The following EIF4EBP2 variants were observed in gnomAD, a reference collection of about 807,000 sequenced individuals.
The protein encoded by EIF4EBP2 is eukaryotic translation initiation factor 4E-binding protein 2.
Under a neutral mutation model 10.3 loss-of-function variants are expected in EIF4EBP2, and 5 were observed. The observed-to-expected ratio is 0.48, with a 90% CI of 0.25 to 1.02. EIF4EBP2 has a LOEUF of 1.02. Among genes scored for constraint, EIF4EBP2 ranks in the 50% least tolerant of loss-of-function variants. The pLI, the probability that EIF4EBP2 is intolerant of heterozygous loss-of-function variation, is 0.15. For missense variants in EIF4EBP2, 188 were observed against 162.2 expected (o/e 1.16, Z -0.86); for synonymous variants, 67 against 61.1 (o/e 1.10, Z -0.45).
intron 1 of EIF4EBP2, among the ~76,000 whole-genome samples, chr10:70,417,163 TGAAAAA>T (rs1400381916): frequency 6.6e-6 from 1 of 152,146 alleles, no homozygotes; most frequent in Non-Finnish European, 1.5e-5. Context: ...TATTTGGTAA[TGAAAAA>T]GAAATGAGGT....
rs1011223882 is a variant in EIF4EBP2, at chr10:70,423,025, A to G, written c.*1278A>G. 6.6e-5 allele frequency: 10 copies of G among 151,708 alleles called. No individual in the cohort carries two copies. Among genetic ancestry groups the G allele is most frequent in the African/African-American group, 2.4e-4 (10 of 41,090 alleles). The allele number at this position is 151,708 out of a possible 1,614,324, so 9.4% of individuals were successfully genotyped here. The stretch of plus-strand genomic sequence containing the variant: ...TTCCTTCCTTTTTCTCTACCAGGCC[A>G]TTTTTCAAATTTACATCAAAGATAC... On this transcript the variant is annotated 3_prime_UTR_variant, in exon 3 of 3. Transcript: ENST00000373218.
In EIF4EBP2 at chr10:70,404,721, C is replaced by T. The variant is rs1844950776; in HGVS notation, c.145+175C>T. 3.9e-5 allele frequency among the ~76,000 whole-genome samples: 6 copies of T among 152,344 alleles called. No individual in the cohort carries two copies. In the South Asian group the frequency reaches 1.0e-3, roughly 26 times the overall value. On this transcript the variant is annotated intron_variant, in intron 1 of 2. Transcript: ENST00000373218. ...CCCTTTACTTCGTGTTCGCTCTTGC[C>T]CGCAGCTCGAGTCGGCGCGCGCCCC...
In EIF4EBP2 at chr10:70,424,539, T is replaced by C. The variant is rs199620856; in HGVS notation, c.*2792T>C. 2 of 152,362 alleles carry C rather than the reference T, an allele frequency of 1.3e-5. No homozygotes were observed. The highest frequency in any genetic ancestry group is 3.9e-4 in the East Asian group (2 of 5,188). 9.4% of individuals were successfully genotyped at this position (152,362 alleles called of 1,614,324 possible). ...CCATTGAGTGGTTTACCTCTGCATGTTTGGAGGGAACCTCACAGATGAAAC... is the reference window on the plus strand; with the variant it reads ...CCATTGAGTGGTTTACCTCTGCATGCTTGGAGGGAACCTCACAGATGAAAC... On this transcript the variant is annotated 3_prime_UTR_variant, in exon 3 of 3. Transcript: ENST00000373218.
intron 1 of EIF4EBP2, among the ~76,000 whole-genome samples, chr10:70,410,931 T>G (rs540789168): frequency 6.6e-6 from 1 of 152,372 alleles, no homozygotes; most frequent in African/African-American, 2.4e-5. Context: ...GCTTGAAGGA[T>G]ACCTTCCTCC....
At chr10:70,421,573 C>A (rs1845157812) in intron 2 of EIF4EBP2, 143 bp from the exon 3 acceptor site, 2 of 729,696 alleles carry the variant, frequency 2.7e-6, no homozygotes. Context: ...CCAGCCAAAG[C>A]AAAGCAGAGT....
intron 1 of EIF4EBP2, among the ~76,000 whole-genome samples, chr10:70,407,090 G>A (rs1844972971): frequency 6.6e-6 from 1 of 151,494 alleles, no homozygotes; most frequent in African/African-American, 2.4e-5. Flanking sequence ...GTAGAGATAG[G>A]GTTTCACCAT....
In EIF4EBP2 at chr10:70,428,267, TA is replaced by T. The variant is rs1198453433; in HGVS notation, c.*6524del. 6.6e-6 allele frequency: 1 copy of T among 151,968 alleles called. No homozygotes were observed. 9.4% of individuals were successfully genotyped at this position (151,968 alleles called of 1,614,324 possible). A position where few individuals can be genotyped will look rare whatever the true frequency, so the allele number is the denominator to read the frequency against. On this transcript the variant is annotated 3_prime_UTR_variant, in exon 3 of 3. Coordinates refer to ENST00000373218, the MANE Select transcript of EIF4EBP2 (RefSeq NM_004096.5). Reference sequence around the variant, plus strand: ...CTAAGGTGTCCATTTTATGCATCTTTAAAATATTTTATTTAAAAAAAAAAAT... The same window carrying T: ...CTAAGGTGTCCATTTTATGCATCTTTAAATATTTTATTTAAAAAAAAAAAT...
intron 2 of EIF4EBP2, among the ~76,000 whole-genome samples, chr10:70,420,864 G>A (rs980369707): frequency 3.3e-5 from 5 of 151,924 alleles, no homozygotes; most frequent in African/African-American, 4.8e-5. Flanking sequence ...GCACGATCTC[G>A]GCTCACTGCA....
rs1473990942 is a variant in EIF4EBP2, at chr10:70,423,646, T to G, written c.*1899T>G. 6 of 152,650 alleles carry G rather than the reference T, an allele frequency of 3.9e-5. No individual in the cohort carries two copies. The highest frequency in any genetic ancestry group is 8.8e-5 in the Non-Finnish European group (6 of 68,026). 9.5% of individuals were successfully genotyped at this position (152,650 alleles called of 1,614,324 possible). A position where few individuals can be genotyped will look rare whatever the true frequency, so the allele number is the denominator to read the frequency against. ...GAAAGAAACCTGTTTGTTTTTCTTTTGAACTATGAAAAGACCCTGTTTGTG... is the reference window on the plus strand; with the variant it reads ...GAAAGAAACCTGTTTGTTTTTCTTTGGAACTATGAAAAGACCCTGTTTGTG... On this transcript the variant is annotated 3_prime_UTR_variant, in exon 3 of 3. Transcript: ENST00000373218.
rs1015358075 is a variant in EIF4EBP2, at chr10:70,407,609, C to A, written c.145+3063C>A. On this transcript the variant is annotated intron_variant, in intron 1 of 2. Transcript: ENST00000373218. ...CAAAACCGCCGTTGTCATCATGGCC[C>A]GTTCTCAATGAGCTGTTGAGTACAC... Among the ~76,000 whole-genome samples the A allele has an allele frequency of 2.0e-5, 3 of 152,034 alleles. No homozygotes were observed. In the East Asian group the frequency reaches 5.8e-4, roughly 30 times the overall value.
rs1369155490 is a variant in EIF4EBP2 at position 70,422,214 on chromosome 10, C to T, written c.*467C>T. ...TCTGTCTCTCCTCCCTGTATCCCAC[C>T]TATGGTTCAGTGTTGCAAGAGTCTG... On this transcript the variant is annotated 3_prime_UTR_variant, in exon 3 of 3. Transcript: ENST00000373218. 1 of 156,170 alleles carries T rather than the reference C, an allele frequency of 6.4e-6. No individual in the cohort carries two copies. Among genetic ancestry groups the T allele is most frequent in the African/African-American group, 2.4e-5 (1 of 41,588 alleles). The allele number at this position is 156,170 out of a possible 1,614,324, so 9.7% of individuals were successfully genotyped here.
At position 70,404,346 on chromosome 10, in the gene EIF4EBP2, G is replaced by A; in HGVS notation, c.-56G>A. ...CCGCCTGAGGAGCCGAAGCAGCCCC[G>A]GCCCCGCCGCCGCCGCCTGCCCGCC... On this transcript the variant is annotated 5_prime_UTR_variant, in exon 1 of 3. Transcript: ENST00000373218. 2.0e-6 allele frequency: 3 copies of A among 1,483,800 alleles called. No homozygotes were observed. The highest frequency in any genetic ancestry group is 2.4e-5 in the Admixed American group (1 of 41,246). The allele number at this position is 1,483,800 out of a possible 1,614,324, so 91.9% of individuals were successfully genotyped here.
At chr10:70,413,460 T>C (rs762645960) in intron 1 of EIF4EBP2, among the ~76,000 whole-genome samples, 13 of 151,984 alleles carry the variant, frequency 8.6e-5, no homozygotes, top group Non-Finnish European at 1.8e-4. Context: ...ACCCCATCTC[T>C]ACAAAATATA....
At chr10:70,404,887 T>C (rs950065034) in intron 1 of EIF4EBP2, among the ~76,000 whole-genome samples, 12 of 152,262 alleles carry the variant, frequency 7.9e-5, no homozygotes, top group African/African-American at 2.7e-4. Flanking sequence ...TGCATTACAG[T>C]CTGCATTGCC....
rs1230263457 is a variant in EIF4EBP2, at chr10:70,428,189, CA to C, written c.*6443del. ...TGGGTGAGGAGACCCTCTGCTACTC[CA>C]GGGGTAAACCTTAAAGAAGGTGTCT... On this transcript the variant is annotated 3_prime_UTR_variant, in exon 3 of 3. Coordinates refer to ENST00000373218, the MANE Select transcript of EIF4EBP2 (RefSeq NM_004096.5). 5 of 151,964 alleles carry C rather than the reference CA, an allele frequency of 3.3e-5. No homozygotes were observed. In the East Asian group the frequency reaches 7.7e-4, roughly 23 times the overall value. 9.4% of individuals were successfully genotyped at this position (151,964 alleles called of 1,614,324 possible).
Position 70,422,806 on chromosome 10 carries a change from T to C in EIF4EBP2, c.*1059T>C, listed in dbSNP as rs908563502. The C allele has an allele frequency of 6.6e-6, 1 of 152,210 alleles. No homozygotes were observed. Among genetic ancestry groups the C allele is most frequent in the African/African-American group, 2.4e-5 (1 of 41,450 alleles). The allele number at this position is 152,210 out of a possible 1,614,324, so 9.4% of individuals were successfully genotyped here. On this transcript the variant is annotated 3_prime_UTR_variant, in exon 3 of 3. Transcript: ENST00000373218. ...TTCTTAGATTGCAGTTTCTTATGTT[T>C]TGAGTTTGAAGTTGATTTTCAGAAT...
At chr10:70,405,957 C>A (rs557558670) in intron 1 of EIF4EBP2, among the ~76,000 whole-genome samples, 115 of 152,176 alleles carry the variant, frequency 7.6e-4, no homozygotes, top group Non-Finnish European at 7.9e-4. Context: ...GAAGAAATCT[C>A]CCCCCGATAT....
chr10:70,420,439 G>A (rs1421792413), intron 2 of EIF4EBP2, among the ~76,000 whole-genome samples: 2 of 152,130 alleles, frequency 1.3e-5, no homozygotes, highest in Non-Finnish European at 2.9e-5. Flanking sequence ...GACCTCAGGT[G>A]ATCCACCTGC....
intron 1 of EIF4EBP2, among the ~76,000 whole-genome samples, chr10:70,414,020 A>C (rs750830428): frequency 8.5e-5 from 13 of 152,326 alleles, no homozygotes; most frequent in African/African-American, 2.9e-4. Flanking sequence ...TGAAATGTGA[A>C]TTGCTAGGAA....
Sources: gnomAD v4.1 joint callset for allele counts (sites outside exome capture counted in the v4.1 genomes callset) on GRCh38, gnomAD v4.1.1 for gene constraint, MANE v1.5 for transcripts, NCBI Gene and HGNC (gene_info 2026-07-23, HGNC 2026-07-21) for gene names.